Variants in NHSL2 observed in about 807,000 individuals in gnomAD.
NHSL2 encodes NHS-like protein 2.
In NHSL2, 27 loss-of-function variants were observed where a neutral mutation model predicts 53.4. The observed-to-expected ratio is 0.51, with a 90% CI of 0.37 to 0.70. The LOEUF (loss-of-function observed/expected upper bound fraction) is 0.70, where lower values mean the gene tolerates loss of function less well. Among genes scored for constraint, NHSL2 ranks in the 30% least tolerant of loss-of-function variants. The pLI, the probability that NHSL2 is intolerant of heterozygous loss-of-function variation, is 0.00. For missense variants in NHSL2, 892 were observed against 980.1 expected, an observed-to-expected ratio of 0.91 and a Z score of 1.20; for synonymous variants, 408 against 404.1, an observed-to-expected ratio of 1.01 and a Z score of -0.12.
intron 1 of NHSL2, among the ~76,000 whole-genome samples, chrX:71,992,071 T>A (rs2042029985): frequency 8.9e-6 from 1 of 112,799 alleles, no homozygotes; most frequent in African/African-American, 3.2e-5. Context: ...ACTTGCGTAG[T>A]CTGGACAGCA....
At chrX:72,085,463 A>G (rs1417072860) in intron 1 of NHSL2, among the ~76,000 whole-genome samples, 1 of 111,503 alleles carries the variant, frequency 9.0e-6, no homozygotes, top group Non-Finnish European at 1.9e-5. Context: ...CACCTTCTTA[A>G]CCACCTGTGA....
chrX:71,972,058 G>A (rs1184132501), intron 1 of NHSL2, among the ~76,000 whole-genome samples: 1 of 109,465 alleles, frequency 9.1e-6, no homozygotes, highest in Admixed American at 9.7e-5. Context: ...TTTCTGAGAT[G>A]GAGTTTCACT....
At chrX:71,996,307 C>A (rs1259077970) in intron 1 of NHSL2, among the ~76,000 whole-genome samples, 1 of 112,723 alleles carries the variant, frequency 8.9e-6, no homozygotes, top group East Asian at 2.8e-4. Context: ...TATAAACATA[C>A]CATGTCACAG....
chrX:72,106,914 G>A (rs1382212134), intron 1 of NHSL2, among the ~76,000 whole-genome samples: 1 of 101,137 alleles, frequency 9.9e-6, no homozygotes, highest in African/African-American at 3.7e-5. Flanking sequence ...GTTGAACAAC[G>A]AGAACACATG....
chrX:72,121,262 T>A (rs1036291135), intron 1 of NHSL2, among the ~76,000 whole-genome samples: 8 of 111,897 alleles, frequency 7.1e-5, no homozygotes, highest in African/African-American at 2.6e-4. Flanking sequence ...CCTGGCCCAG[T>A]TGGTCATCTT....
chrX:72,129,785 G>A (rs1177454440), intron 1 of NHSL2: 1 of 1,121,066 alleles, frequency 8.9e-7, no homozygotes, highest in Non-Finnish European at 1.2e-6. Flanking sequence ...AGGGGCGGGG[G>A]ATGCAAAAGA....
intron 1 of NHSL2, among the ~76,000 whole-genome samples, chrX:72,000,986 C>T (rs113867753): frequency 0.086 from 9,559 of 111,518 alleles, 403 homozygotes; most frequent in East Asian, 0.27. Context: ...CTTCTCCTGC[C>T]TCACCTGTCA....
chrX:72,028,400 T>C (rs2042197325), intron 1 of NHSL2, among the ~76,000 whole-genome samples: 1 of 112,316 alleles, frequency 8.9e-6, no homozygotes, highest in South Asian at 3.7e-4. Flanking sequence ...AAGGATGTTT[T>C]CCCCTATTAT....
chrX:71,979,843 A>G (rs1467918268), intron 1 of NHSL2, among the ~76,000 whole-genome samples: 3 of 110,755 alleles, frequency 2.7e-5, no homozygotes, highest in Non-Finnish European at 5.7e-5. Context: ...GCCCATGCCT[A>G]TGTCCTGAAT....
intron 1 of NHSL2, chrX:72,069,656 G>GCCGC (rs2042455143): frequency 1.1e-6 from 1 of 934,497 alleles, no homozygotes; most frequent in African/African-American, 2.1e-5. Flanking sequence ...GGTGGCAGCG[G>GCCGC]CCGCCGCGGT....
chrX:72,040,315 A>G (rs1156799321), intron 1 of NHSL2, among the ~76,000 whole-genome samples: 2 of 112,008 alleles, frequency 1.8e-5, no homozygotes. Flanking sequence ...TCTCTCACAC[A>G]CACATACTCT....
chrX:71,978,888 T>C (rs1472992554), intron 1 of NHSL2, among the ~76,000 whole-genome samples: 3 of 105,205 alleles, frequency 2.9e-5, no homozygotes, highest in Non-Finnish European at 5.9e-5. Flanking sequence ...ATTAGGTATA[T>C]CTCCTAATGC....
At chrX:72,043,065 C>T (rs1271310475) in intron 1 of NHSL2, among the ~76,000 whole-genome samples, 2 of 111,042 alleles carry the variant, frequency 1.8e-5, no homozygotes, top group East Asian at 2.8e-4. Context: ...TCAGTCCTGC[C>T]GCTGAGGTTC....
At position 71,964,012 on chromosome X, in the gene NHSL2, T is replaced by TGTATATATATAC. The variant is rs1569467091; in HGVS notation, c.280+52645_280+52646insGTATATATATAC. ...ATATATGTATATACATATATATATG[T>TGTATATATATAC]ATATATATATATGTGTATATATATA... On this transcript the variant is annotated intron_variant, in intron 1 of 7. Coordinates refer to ENST00000633930, the MANE Select transcript of NHSL2 (RefSeq NM_001013627.3). 7.9e-3 allele frequency among the ~76,000 whole-genome samples: 18 copies of TGTATATATATAC among 2,270 alleles called. 1 individual carries two copies. The highest frequency in any genetic ancestry group is 0.07 in the Non-Finnish European group (18 of 256). 2.0% of individuals were successfully genotyped at this position (2,270 alleles called of 115,157 possible).
intron 5 of NHSL2, 21 bp from the exon 6 acceptor site, chrX:72,138,420 T>C (rs1158006042): frequency 2.7e-6 from 3 of 1,112,171 alleles, no homozygotes; most frequent in Non-Finnish European, 3.6e-6. Context: ...AGCACTCATG[T>C]CCTGTGTTTA....
Position 72,101,136 on chromosome X carries a change from A to G in NHSL2, c.281-30943A>G, listed in dbSNP as rs373550080. Among the ~76,000 whole-genome samples the G allele has an allele frequency of 7.4e-5, 8 of 108,694 alleles. 1 individual carries two copies. In the East Asian group the frequency reaches 1.7e-3, roughly 24 times the overall value. 94.4% of individuals were successfully genotyped at this position (108,694 alleles called of 115,157 possible). A position where few individuals can be genotyped will look rare whatever the true frequency, so the allele number is the denominator to read the frequency against. ...GGAGGGTGTGGTGTGAAGAACCCACATTGTGGCTTACTCAACTGTGAGATC... is the reference window on the plus strand; with the variant it reads ...GGAGGGTGTGGTGTGAAGAACCCACGTTGTGGCTTACTCAACTGTGAGATC... On this transcript the variant is annotated intron_variant, in intron 1 of 7. Transcript: ENST00000633930.
intron 1 of NHSL2, among the ~76,000 whole-genome samples, chrX:72,115,638 G>C (rs1222801797): frequency 9.0e-6 from 1 of 111,148 alleles, no homozygotes; most frequent in Non-Finnish European, 1.9e-5. Flanking sequence ...TTAGCTAATT[G>C]AGTCTGGGGC....
rs2041867343 is a variant in NHSL2 at position 71,961,461 on chromosome X, C to G, written c.280+50094C>G. 5.2e-5 allele frequency among the ~76,000 whole-genome samples: 5 copies of G among 96,609 alleles called. No individual in the cohort carries two copies. The Admixed American group carries it at 5.8e-4, about 11-fold the overall frequency. The allele number at this position is 96,609 out of a possible 115,157, so 83.9% of individuals were successfully genotyped here. On this transcript the variant is annotated intron_variant, in intron 1 of 7. Coordinates refer to ENST00000633930, the MANE Select transcript of NHSL2 (RefSeq NM_001013627.3). ...CCCTTCCTTCCTCCCGCCCTCCCTT[C>G]CTTTCTTTATTCCTTGTTTTTCATT... is the stretch of plus-strand genomic sequence containing the variant.
chrX:72,101,538 T>C (rs1395351093), intron 1 of NHSL2, among the ~76,000 whole-genome samples: 1 of 110,460 alleles, frequency 9.1e-6, no homozygotes, highest in Non-Finnish European at 1.9e-5. Flanking sequence ...GCATGCCCAC[T>C]GCCTAAGTTC....
Sources: allele counts gnomAD v4.1 joint callset (sites outside exome capture counted in the v4.1 genomes callset), GRCh38; gene constraint gnomAD v4.1.1; transcripts MANE v1.5; gene names NCBI Gene and HGNC (gene_info 2026-07-23, HGNC 2026-07-21).